Variants in JARID2 observed in about 807,000 individuals in gnomAD.
JARID2 encodes the protein jumonji and AT-rich interaction domain containing 2.
JARID2 carries 21 observed loss-of-function variants against 125.6 expected under a neutral mutation model. The observed-to-expected ratio is 0.17, with a 90% CI of 0.12 to 0.24. The LOEUF (loss-of-function observed/expected upper bound fraction) is 0.24, where lower values mean the gene tolerates loss of function less well. Ranked by LOEUF, JARID2 falls within the 10% of genes least tolerant of loss-of-function variation. JARID2 has a pLI of 1.00. For synonymous variants in JARID2, 736 were observed against 661.6 expected, an observed-to-expected ratio of 1.11 and a Z score of -1.73; for missense variants, 1,303 against 1,639.6, an observed-to-expected ratio of 0.79 and a Z score of 3.55.
rs1364021178 is a variant in JARID2 at position 15,275,524 on chromosome 6, G to GCCCC, written c.45+28945_45+28948dup. ...ACATTTTAATTAAAGTCCATTTACC[G>GCCCC]CCCCCCCCGCCCCCCCCCCCGTCTT... is the stretch of plus-strand genomic sequence containing the variant. On this transcript the variant is annotated intron_variant, in intron 1 of 17. Coordinates refer to ENST00000341776, the MANE Select transcript of JARID2 (RefSeq NM_004973.4). Among the ~76,000 whole-genome samples, 34 of 6,770 alleles carry GCCCC rather than the reference G, an allele frequency of 5.0e-3. 2 individuals carry two copies. Among genetic ancestry groups the GCCCC allele is most frequent in the Admixed American group, 8.9e-3 (5 of 562 alleles). The allele number at this position is 6,770 out of a possible 152,430, so 4.4% of individuals were successfully genotyped here.
intron 1 of JARID2, among the ~76,000 whole-genome samples, chr6:15,296,236 C>T (rs1455976935): frequency 6.6e-6 from 1 of 152,036 alleles, no homozygotes; most frequent in Non-Finnish European, 1.5e-5. Flanking sequence ...AATTCCTAGC[C>T]TAAGTTGCTG....
chr6:15,465,960 T>C (rs2127671040), intron 4 of JARID2, among the ~76,000 whole-genome samples: 1 of 152,222 alleles, frequency 6.6e-6, no homozygotes, highest in East Asian at 1.9e-4. Flanking sequence ...TGCATCACCA[T>C]GCCCAGCTAG....
At chr6:15,451,086 C>T (rs182974245) in intron 3 of JARID2, among the ~76,000 whole-genome samples, 2 of 152,318 alleles carry the variant, frequency 1.3e-5, no homozygotes, top group Non-Finnish European at 2.9e-5. Context: ...TCGCTTGAAC[C>T]TGGGAGGTGG....
intron 2 of JARID2, among the ~76,000 whole-genome samples, chr6:15,378,196 TA>T (rs1764442331): frequency 3.1e-5 from 3 of 96,144 alleles, no homozygotes; most frequent in Admixed American, 1.1e-4. Context: ...CCTCAATTTT[TA>T]ATTTTTTTTT....
rs201309875 is a variant in JARID2 at position 15,520,537 on chromosome 6, C to CTTTTTT, written c.*290_*295dup. The CTTTTTT allele has an allele frequency of 5.8e-6, 2 of 345,504 alleles. No homozygotes were observed. Among genetic ancestry groups the CTTTTTT allele is most frequent in the African/African-American group, 4.3e-5 (2 of 46,046 alleles). The allele number at this position is 345,504 out of a possible 1,614,324, so 21.4% of individuals were successfully genotyped here. On this transcript the variant is annotated 3_prime_UTR_variant, in exon 18 of 18. Coordinates refer to ENST00000341776, the MANE Select transcript of JARID2 (RefSeq NM_004973.4). ...GTATTGCCCCATGGCTGACAAAAGC[C>CTTTTTT]TTTTTTTTTGGTTTTGATTTTTTTT...
intron 1 of JARID2, among the ~76,000 whole-genome samples, chr6:15,342,269 CG>C (rs1763094079): frequency 6.6e-6 from 1 of 152,154 alleles, no homozygotes; most frequent in Non-Finnish European, 1.5e-5. Flanking sequence ...GGCCTCTGTG[CG>C]ACTTACTGTA....
intron 4 of JARID2, among the ~76,000 whole-genome samples, chr6:15,457,816 A>T (rs972222195): frequency 5.4e-4 from 82 of 152,272 alleles, no homozygotes; most frequent in African/African-American, 1.9e-3. Flanking sequence ...ATTAGTATAG[A>T]TATGTAAACA....
chr6:15,474,802 A>T (rs1355681967), intron 5 of JARID2, among the ~76,000 whole-genome samples: 1 of 152,184 alleles, frequency 6.6e-6, no homozygotes, highest in Admixed American at 6.5e-5. Flanking sequence ...GATAATAGTG[A>T]CTTGTCCAGA....
Position 15,504,537 on chromosome 6 carries a change from C to T in JARID2, c.2486C>T (p.Ala829Val), listed in dbSNP as rs1224740913. Residue 829 changes from alanine (A) to valine (V), a missense_variant, in exon 9 of 18, where the codon GCG (alanine) becomes GTG (valine). Coordinates refer to ENST00000341776, the MANE Select transcript of JARID2 (RefSeq NM_004973.4). ...SVSLTTFYRT[A>V]RNIMSMCFSK... ...TCTCTAACAACTTTTTATCGAACAG[C>T]GAGGAATATCATGAGCATGTGTTTC... is the stretch of plus-strand genomic sequence containing the variant. 4 of 1,613,826 alleles carry T rather than the reference C, an allele frequency of 2.5e-6. No individual in the cohort carries two copies. Among genetic ancestry groups the T allele is most frequent in the Non-Finnish European group, 1.7e-6 (2 of 1,179,882 alleles).
rs1459076977 is a variant in JARID2 at position 15,275,540 on chromosome 6, C to CA, written c.45+28956_45+28957insA. On this transcript the variant is annotated intron_variant, in intron 1 of 17. Coordinates refer to ENST00000341776, the MANE Select transcript of JARID2 (RefSeq NM_004973.4). ...CCATTTACCGCCCCCCCCGCCCCCCCCCCCGTCTTTTGCCTCTTCAATGAC... is the reference window on the plus strand; with the variant it reads ...CCATTTACCGCCCCCCCCGCCCCCCCACCCCGTCTTTTGCCTCTTCAATGAC... 1.9e-5 allele frequency among the ~76,000 whole-genome samples: 2 copies of CA among 102,890 alleles called. 1 individual carries two copies. Among genetic ancestry groups the CA allele is most frequent in the Non-Finnish European group, 4.2e-5 (2 of 48,132 alleles). The allele number at this position is 102,890 out of a possible 152,430, so 67.5% of individuals were successfully genotyped here. A position where few individuals can be genotyped will look rare whatever the true frequency, so the allele number is the denominator to read the frequency against.
intron 3 of JARID2, among the ~76,000 whole-genome samples, chr6:15,444,730 G>C: frequency 7.4e-6 from 1 of 135,882 alleles, no homozygotes; most frequent in Admixed American, 7.5e-5. Flanking sequence ...GACACGAACT[G>C]TCTGATTTTT....
chr6:15,290,287 A>C (rs1761157177), intron 1 of JARID2, among the ~76,000 whole-genome samples: 1 of 152,104 alleles, frequency 6.6e-6, no homozygotes, highest in South Asian at 2.1e-4. Flanking sequence ...CAATTTATTG[A>C]TGTGCTGGCT....
At chr6:15,401,299 T>G (rs1202400950) in intron 2 of JARID2, among the ~76,000 whole-genome samples, 1 of 152,212 alleles carries the variant, frequency 6.6e-6, no homozygotes, top group East Asian at 1.9e-4. Context: ...AGAATTAATG[T>G]CGCTCTTAAA....
At chr6:15,462,079 T>G (rs2127662821) in intron 4 of JARID2, among the ~76,000 whole-genome samples, 1 of 152,334 alleles carries the variant, frequency 6.6e-6, no homozygotes, top group East Asian at 1.9e-4. Context: ...CGTTTTACAT[T>G]CATTTTAATT....
At chr6:15,444,119 C>T (rs778883911) in intron 3 of JARID2, among the ~76,000 whole-genome samples, 9 of 152,130 alleles carry the variant, frequency 5.9e-5, no homozygotes, top group Non-Finnish European at 1.3e-4. Flanking sequence ...ACTAGGGCTC[C>T]ATCTCCAGAA....
intron 3 of JARID2, among the ~76,000 whole-genome samples, chr6:15,443,940 CAA>C (rs1767553515): frequency 6.6e-6 from 1 of 152,186 alleles, no homozygotes; most frequent in Admixed American, 6.5e-5. Flanking sequence ...ATTCAACTAA[CAA>C]AAGATTTCTT....
chr6:15,331,694 C>T (rs879630053), intron 1 of JARID2, among the ~76,000 whole-genome samples: 11 of 152,070 alleles, frequency 7.2e-5, no homozygotes, highest in South Asian at 2.1e-4. Flanking sequence ...GGAGAAACCC[C>T]GACTCTACAA....
At chr6:15,362,267 C>T (rs1763825471) in intron 1 of JARID2, among the ~76,000 whole-genome samples, 1 of 152,142 alleles carries the variant, frequency 6.6e-6, no homozygotes, top group Admixed American at 6.5e-5. Context: ...TACATAGGAT[C>T]ATGCATTCTT....
At chr6:15,281,566 G>A (rs1760750150) in intron 1 of JARID2, among the ~76,000 whole-genome samples, 1 of 152,144 alleles carries the variant, frequency 6.6e-6, no homozygotes, top group African/African-American at 2.4e-5. Flanking sequence ...ATACAGATGG[G>A]TTCCCCGCGT....
Sources: gnomAD v4.1 joint callset for allele counts (sites outside exome capture counted in the v4.1 genomes callset) on GRCh38, gnomAD v4.1.1 for gene constraint, MANE v1.5 for transcripts, NCBI Gene and HGNC (gene_info 2026-07-23, HGNC 2026-07-21) for gene names.